PEPD: variants seen among roughly 807,000 people sequenced by gnomAD.
The protein encoded by PEPD is peptidase D, also known as xaa-Pro dipeptidase.
In PEPD, 53 loss-of-function variants were observed where a neutral mutation model predicts 60.7. That is an observed-to-expected ratio of 0.87 (90% CI 0.70 to 1.10). The LOEUF (loss-of-function observed/expected upper bound fraction) is 1.10. PEPD is among the 50% of genes least tolerant of loss of function. The pLI, the probability that PEPD is intolerant of heterozygous loss-of-function variation, is 0.00. For missense variants in PEPD, 711 were observed against 711.9 expected (o/e 1.00, Z 0.01); for synonymous variants, 267 against 284.1 (o/e 0.94, Z 0.60).
At chr19:33,453,711 G>A (rs773594449) in intron 9 of PEPD, among the ~76,000 whole-genome samples, 3 of 152,174 alleles carry the variant, frequency 2.0e-5, no homozygotes, top group African/African-American at 2.4e-5. Flanking sequence ...AGCTGAAGCC[G>A]CAATATCTCT....
At chr19:33,409,691 C>T (rs1162234063) in intron 11 of PEPD, among the ~76,000 whole-genome samples, 2 of 152,136 alleles carry the variant, frequency 1.3e-5, no homozygotes, top group Non-Finnish European at 2.9e-5. Flanking sequence ...TTTCAGGACA[C>T]CAGGTGGTGT....
At chr19:33,520,705 C>G (rs1329317676) in intron 1 of PEPD, among the ~76,000 whole-genome samples, 1 of 152,206 alleles carries the variant, frequency 6.6e-6, no homozygotes, top group Non-Finnish European at 1.5e-5. Context: ...AAGAGAGATG[C>G]ATTCAGTCCA....
chr19:33,394,592 G>A (rs982844626), intron 12 of PEPD, among the ~76,000 whole-genome samples: 14 of 152,240 alleles, frequency 9.2e-5, no homozygotes, highest in Admixed American at 8.5e-4. Flanking sequence ...CGCCTGGGCG[G>A]GGGCCCCTGG....
At chr19:33,478,445 G>A (rs1001247527) in intron 6 of PEPD, among the ~76,000 whole-genome samples, 7 of 152,096 alleles carry the variant, frequency 4.6e-5, no homozygotes, top group African/African-American at 1.7e-4. Flanking sequence ...CCAATTTGAT[G>A]AAAAACATTA....
intron 7 of PEPD, among the ~76,000 whole-genome samples, chr19:33,476,126 A>G (rs2145294352): frequency 6.6e-6 from 1 of 152,326 alleles, no homozygotes; most frequent in East Asian, 1.9e-4. Context: ...TTTGTCTCCC[A>G]AAGTGCTGGG....
intron 13 of PEPD, among the ~76,000 whole-genome samples, chr19:33,390,908 G>T (rs1002749948): frequency 2.0e-5 from 3 of 152,182 alleles, no homozygotes; most frequent in Admixed American, 2.0e-4. Flanking sequence ...CACGCCCCAG[G>T]TCTGAATGAA....
At chr19:33,468,088 G>T (rs1474236003) in intron 7 of PEPD, among the ~76,000 whole-genome samples, 2 of 152,170 alleles carry the variant, frequency 1.3e-5, no homozygotes, top group South Asian at 2.1e-4. Context: ...AGCCCTTTCG[G>T]TTTGGGGCTG....
intron 3 of PEPD, among the ~76,000 whole-genome samples, chr19:33,505,635 CAG>C (rs1213758404): frequency 6.6e-6 from 1 of 151,808 alleles, no homozygotes; most frequent in Non-Finnish European, 1.5e-5. Context: ...CTTAGTGGGG[CAG>C]AGCTGGGAAA....
chr19:33,438,753 T>C (rs1162761338), intron 9 of PEPD, among the ~76,000 whole-genome samples: 3 of 152,252 alleles, frequency 2.0e-5, no homozygotes, highest in Non-Finnish European at 4.4e-5. Flanking sequence ...TCTCATTCTG[T>C]CGCCCAGGCT....
chr19:33,448,577 T>C (rs1372185046), intron 9 of PEPD, among the ~76,000 whole-genome samples: 1 of 152,158 alleles, frequency 6.6e-6, no homozygotes, highest in Non-Finnish European at 1.5e-5. Flanking sequence ...TACATGACCC[T>C]TTCGACTATC....
chr19:33,503,754 C>T (rs1358396818), intron 3 of PEPD, among the ~76,000 whole-genome samples: 1 of 152,240 alleles, frequency 6.6e-6, no homozygotes, highest in African/African-American at 2.4e-5. Flanking sequence ...AGCTCTGCCT[C>T]TAGCCCCCTC....
chr19:33,426,427 T>C (rs1252104940), intron 9 of PEPD, among the ~76,000 whole-genome samples: 1 of 152,282 alleles, frequency 6.6e-6, no homozygotes, highest in Non-Finnish European at 1.5e-5. Context: ...TGGAAAGTGC[T>C]GTTTCCTATC....
At position 33,387,230 on chromosome 19, in the gene PEPD, G is replaced by A. The variant is rs772651583; in HGVS notation, c.*114C>T. 1 of 1,268,388 alleles carries A rather than the reference G, an allele frequency of 7.9e-7. No individual in the cohort carries two copies. Among genetic ancestry groups the A allele is most frequent in the Non-Finnish European group, 1.1e-6 (1 of 886,222 alleles). 78.6% of individuals were successfully genotyped at this position (1,268,388 alleles called of 1,614,324 possible). A position where few individuals can be genotyped will look rare whatever the true frequency, so the allele number is the denominator to read the frequency against. On this transcript the variant is annotated 3_prime_UTR_variant, in exon 15 of 15. Transcript: ENST00000244137. ...TTGGTCTGATCAAATGCCGAAGCTGGGATCTGATTCTGGGTGCCGTCTCTC... is the reference window on the plus strand; with the variant it reads ...TTGGTCTGATCAAATGCCGAAGCTGAGATCTGATTCTGGGTGCCGTCTCTC...
chr19:33,482,211 A>T (rs1218484673), intron 6 of PEPD, among the ~76,000 whole-genome samples: 1 of 152,240 alleles, frequency 6.6e-6, no homozygotes, highest in Non-Finnish European at 1.5e-5. Flanking sequence ...AACAGAATCC[A>T]GCAACATATA....
intron 1 of PEPD, among the ~76,000 whole-genome samples, chr19:33,517,938 G>C (rs1365795643): frequency 1.3e-5 from 2 of 150,548 alleles, no homozygotes; most frequent in Non-Finnish European, 3.0e-5. Flanking sequence ...TTGCACTCCA[G>C]TGTGAGACTC....
At chr19:33,399,699 G>A (rs1201451863) in intron 12 of PEPD, among the ~76,000 whole-genome samples, 2 of 152,198 alleles carry the variant, frequency 1.3e-5, no homozygotes, top group Admixed American at 6.5e-5. Flanking sequence ...CTGTGGGGCC[G>A]CAGGGACTGC....
chr19:33,392,906 G>T (rs1485705124), intron 12 of PEPD, among the ~76,000 whole-genome samples: 1 of 136,944 alleles, frequency 7.3e-6, no homozygotes, highest in Non-Finnish European at 1.6e-5. Context: ...CTTCATGTTG[G>T]GACCCCTTTA....
intron 9 of PEPD, among the ~76,000 whole-genome samples, chr19:33,441,261 C>T (rs933119970): frequency 3.9e-5 from 6 of 152,194 alleles, no homozygotes; most frequent in East Asian, 3.9e-4. Context: ...TAACATCTTT[C>T]GGGTGAGGCT....
intron 9 of PEPD, among the ~76,000 whole-genome samples, chr19:33,441,552 C>T (rs1969480497): frequency 6.6e-6 from 1 of 152,250 alleles, no homozygotes; most frequent in Admixed American, 6.5e-5. Context: ...ACCCAGTCCT[C>T]CTTCCCCACC....
Sources: gnomAD v4.1 joint callset for allele counts (sites outside exome capture counted in the v4.1 genomes callset) on GRCh38, gnomAD v4.1.1 for gene constraint, MANE v1.5 for transcripts, NCBI Gene and HGNC (gene_info 2026-07-23, HGNC 2026-07-21) for gene names.